Variants in FGF18 observed in about 807,000 individuals in gnomAD.
FGF18 encodes the protein fibroblast growth factor 18.
In FGF18, 5 loss-of-function variants were observed where a neutral mutation model predicts 23.0. The observed-to-expected ratio is 0.22, with a 90% CI of 0.11 to 0.46. The LOEUF (loss-of-function observed/expected upper bound fraction) is 0.46. Among genes scored for constraint, FGF18 ranks in the 20% least tolerant of loss-of-function variants. FGF18 has a pLI of 0.99. For synonymous variants in FGF18, 117 were observed against 118.9 expected, an observed-to-expected ratio of 0.98 and a Z score of 0.10; for missense variants, 180 against 291.6, an observed-to-expected ratio of 0.62 and a Z score of 2.79.
At position 171,420,434 on chromosome 5, in the gene FGF18, C is replaced by CCAGGTA; in HGVS notation, c.68_69+4dup. ...GTTTACACTTCCTGCTGCTGTGCTTCCAGGTACAGGTACGTGGGCTCCTGA... is the reference window on the plus strand; with the variant it reads ...GTTTACACTTCCTGCTGCTGTGCTTCCAGGTACAGGTACAGGTACGTGGGCTCCTGA... On this transcript the variant is annotated inframe_insertion, in exon 2 of 5. Coordinates refer to ENST00000274625, the MANE Select transcript of FGF18 (RefSeq NM_003862.3). The CCAGGTA allele has an allele frequency of 6.2e-7, 1 of 1,613,606 alleles. No individual in the cohort carries two copies. The highest frequency in any genetic ancestry group is 1.3e-5 in the African/African-American group (1 of 74,918).
Position 171,419,687 on chromosome 5 carries a change from G to A in FGF18, c.-513G>A, listed in dbSNP as rs989847371. 1 of 151,658 alleles carries A rather than the reference G, an allele frequency of 6.6e-6. No individual in the cohort carries two copies. The highest frequency in any genetic ancestry group is 2.4e-5 in the African/African-American group (1 of 41,386). The allele number at this position is 151,658 out of a possible 1,614,324, so 9.4% of individuals were successfully genotyped here. ...GCACGGCCGGAGAGACGCGGAGGAG[G>A]AGACATGAGCCGGCGGGCGCCCAGA... On this transcript the variant is annotated 5_prime_UTR_variant, in exon 1 of 5. Coordinates refer to ENST00000274625, the MANE Select transcript of FGF18 (RefSeq NM_003862.3).
rs1172119451 is a variant in FGF18, at chr5:171,451,673, C to G, written c.357+2420C>G. Among the ~76,000 whole-genome samples the G allele has an allele frequency of 2.6e-5, 4 of 152,216 alleles. No individual in the cohort carries two copies. Among genetic ancestry groups the G allele is most frequent in the Non-Finnish European group, 4.4e-5 (3 of 68,032 alleles). On this transcript the variant is annotated intron_variant, in intron 4 of 4. Coordinates refer to ENST00000274625, the MANE Select transcript of FGF18 (RefSeq NM_003862.3). The surrounding 1 kb of genome is among the most constrained non-coding windows in gnomAD (Gnocchi z 4.5). Reference sequence around the variant, plus strand: ...CCAGCTCCAAACCCATCCATGGGTCCTCCCACCTTGCTATGGGACACCGAA... The same window carrying G: ...CCAGCTCCAAACCCATCCATGGGTCGTCCCACCTTGCTATGGGACACCGAA...
chr5:171,436,298 C>G lies in FGF18; in HGVS notation c.250+25C>G, dbSNP rs766509622. On this transcript the variant is annotated intron_variant, in intron 3 of 4. Coordinates refer to ENST00000274625, the MANE Select transcript of FGF18 (RefSeq NM_003862.3). The surrounding 1 kb of genome is among the most constrained non-coding windows in gnomAD (Gnocchi z 4.4). Reference sequence around the variant, plus strand: ...GGTATGTGCCAACCCTCTCCTCCTACTCCGTGTACCCGTGTACATGTCCTT... The same window carrying G: ...GGTATGTGCCAACCCTCTCCTCCTAGTCCGTGTACCCGTGTACATGTCCTT... 7 of 1,501,490 alleles carry G rather than the reference C, an allele frequency of 4.7e-6. No homozygotes were observed. The South Asian group carries it at 9.4e-5, about 20-fold the overall frequency. 93.0% of individuals were successfully genotyped at this position (1,501,490 alleles called of 1,614,324 possible).
rs373295126 is a variant in FGF18 at position 171,445,943 on chromosome 5, C to T, written c.251-3204C>T. ...GGGGCTTGGGTCATGGGAGTGGATGCGTGATGCTGAGGACCTGGCCTGGGT... is the reference window on the plus strand; with the variant it reads ...GGGGCTTGGGTCATGGGAGTGGATGTGTGATGCTGAGGACCTGGCCTGGGT... On this transcript the variant is annotated intron_variant, in intron 3 of 4. Coordinates refer to ENST00000274625, the MANE Select transcript of FGF18 (RefSeq NM_003862.3). Among the ~76,000 whole-genome samples the T allele has an allele frequency of 5.4e-4, 82 of 152,256 alleles. 4 individuals carry two copies. In the South Asian group the frequency reaches 0.016, roughly 30 times the overall value.
chr5:171,446,266 C>A (rs1772417920), intron 3 of FGF18, among the ~76,000 whole-genome samples: 1 of 152,110 alleles, frequency 6.6e-6, no homozygotes, highest in South Asian at 2.1e-4. Flanking sequence ...AACCTCTGCC[C>A]CAGGCCCTTT....
intron 3 of FGF18, 26 bp from the exon 4 acceptor site, chr5:171,449,121 T>C: frequency 6.5e-7 from 1 of 1,544,732 alleles, no homozygotes; most frequent in Non-Finnish European, 9.0e-7. Context: ...ATAAAATGTG[T>C]CTTGTTCTCC....
At chr5:171,426,975 G>A (rs763348491) in intron 2 of FGF18, among the ~76,000 whole-genome samples, 9 of 152,276 alleles carry the variant, frequency 5.9e-5, no homozygotes, top group East Asian at 5.8e-4. Context: ...TTGGGAGGCC[G>A]ATACAGGCAG....
At chr5:171,430,516 C>T (rs1772165298) in intron 2 of FGF18, among the ~76,000 whole-genome samples, 3 of 144,614 alleles carry the variant, frequency 2.1e-5, no homozygotes, top group Admixed American at 1.3e-4. Context: ...GGGCCGGGCG[C>T]GGTGGCTCAC....
At chr5:171,430,483 AAAACT>A (rs1040317321) in intron 2 of FGF18, among the ~76,000 whole-genome samples, 12 of 151,948 alleles carry the variant, frequency 7.9e-5, no homozygotes, top group African/African-American at 2.7e-4. Context: ...ATTAAGAAAC[AAAACT>A]AAACTAAAGA....
In FGF18 at chr5:171,456,899, GAAGCTCTATT is replaced by G; in HGVS notation, c.*95_*104del. ...ATATTTTTACATGAAAAATAAGGAA[GAAGCTCTATT>G]TTTGTACATTGTGTTTAAAAGAAGA... On this transcript the variant is annotated 3_prime_UTR_variant, in exon 5 of 5. Coordinates refer to ENST00000274625, the MANE Select transcript of FGF18 (RefSeq NM_003862.3). This position sits in a 1 kb window ranked among gnomAD's most constrained non-coding sequence, Gnocchi z 6.1. 1 of 1,430,782 alleles carries G rather than the reference GAAGCTCTATT, an allele frequency of 7.0e-7. No homozygotes were observed. Among genetic ancestry groups the G allele is most frequent in the Non-Finnish European group, 9.4e-7 (1 of 1,064,600 alleles). The allele number at this position is 1,430,782 out of a possible 1,614,324, so 88.6% of individuals were successfully genotyped here.
chr5:171,421,058 T>C (rs889743937), intron 2 of FGF18, among the ~76,000 whole-genome samples: 11 of 152,332 alleles, frequency 7.2e-5, no homozygotes, highest in African/African-American at 2.2e-4. Context: ...GCAGCCCTCG[T>C]TGGTTCCCCG....
intron 4 of FGF18, among the ~76,000 whole-genome samples, chr5:171,451,000 C>T (rs1313125328): frequency 6.6e-6 from 1 of 152,052 alleles, no homozygotes; most frequent in African/African-American, 2.4e-5. Flanking sequence ...GGCATCTTGA[C>T]CCCAGGAGGG....
At position 171,449,294 on chromosome 5, in the gene FGF18, C is replaced by T. The variant is rs1283507616; in HGVS notation, c.357+41C>T. ...GGATTCCCGGGAACTTCGGGTTCCCCTCTGGCAGCTCTGGGAGCTGGAACA... is the reference window on the plus strand; with the variant it reads ...GGATTCCCGGGAACTTCGGGTTCCCTTCTGGCAGCTCTGGGAGCTGGAACA... On this transcript the variant is annotated intron_variant, in intron 4 of 4. Transcript: ENST00000274625. 6 of 1,377,760 alleles carry T rather than the reference C, an allele frequency of 4.4e-6. No individual in the cohort carries two copies. In the South Asian group the frequency reaches 4.6e-5, roughly 11 times the overall value. 85.3% of individuals were successfully genotyped at this position (1,377,760 alleles called of 1,614,324 possible). A position where few individuals can be genotyped will look rare whatever the true frequency, so the allele number is the denominator to read the frequency against.
chr5:171,451,166 T>C lies in FGF18; in HGVS notation c.357+1913T>C, dbSNP rs1423602267. On this transcript the variant is annotated intron_variant, in intron 4 of 4. Transcript: ENST00000274625. This position sits in a 1 kb window ranked among gnomAD's most constrained non-coding sequence, Gnocchi z 4.5. ...CTCGCCCTCTCTCCCGTCATTAATATTGGTGACGGTTCAGCTGGCGCGGCG... is the reference window on the plus strand; with the variant it reads ...CTCGCCCTCTCTCCCGTCATTAATACTGGTGACGGTTCAGCTGGCGCGGCG... Among the ~76,000 whole-genome samples the C allele has an allele frequency of 4.0e-5, 6 of 150,944 alleles. No individual in the cohort carries two copies. Among genetic ancestry groups the C allele is most frequent in the African/African-American group, 9.7e-5 (4 of 41,116 alleles).
intron 4 of FGF18, among the ~76,000 whole-genome samples, chr5:171,454,306 C>G (rs1031003559): frequency 1.3e-5 from 2 of 152,114 alleles, no homozygotes; most frequent in Non-Finnish European, 2.9e-5. Context: ...CATGGTGTAG[C>G]CTTTGTTCTG....
intron 3 of FGF18, among the ~76,000 whole-genome samples, 196 bp from the exon 4 acceptor site, chr5:171,448,951 C>T (rs147049782): frequency 6.6e-6 from 1 of 152,122 alleles, no homozygotes; most frequent in Non-Finnish European, 1.5e-5. Context: ...GCCTGAGGGG[C>T]AGGGGACAGC....
chr5:171,447,285 A>T (rs540556759), intron 3 of FGF18, among the ~76,000 whole-genome samples: 2 of 151,708 alleles, frequency 1.3e-5, no homozygotes, highest in African/African-American at 4.8e-5. Flanking sequence ...TTCCCCCATA[A>T]CTCCTCACCC....
chr5:171,429,198 A>T (rs1002109274), intron 2 of FGF18, among the ~76,000 whole-genome samples: 1 of 152,198 alleles, frequency 6.6e-6, no homozygotes, highest in African/African-American at 2.4e-5. Flanking sequence ...CTTTCCATCC[A>T]TGGGAAACTC....
intron 3 of FGF18, among the ~76,000 whole-genome samples, chr5:171,442,532 A>T (rs1294213818): frequency 6.6e-6 from 1 of 152,130 alleles, no homozygotes; most frequent in African/African-American, 2.4e-5. Flanking sequence ...AGGGCCCCAG[A>T]TCGGAGGCCC....
Sources: allele counts gnomAD v4.1 joint callset (sites outside exome capture counted in the v4.1 genomes callset), GRCh38; gene constraint gnomAD v4.1.1; non-coding constraint Gnocchi (gnomAD v3.1); transcripts MANE v1.5; gene names NCBI Gene and HGNC (gene_info 2026-07-23, HGNC 2026-07-21).